Variants in ERBB4 observed in about 807,000 individuals in gnomAD.
The protein encoded by ERBB4 is erb-b2 receptor tyrosine kinase 4.
A neutral mutation model predicts 158.0 loss-of-function variants in ERBB4; 42 were observed. The observed-to-expected ratio is 0.27, with a 90% CI of 0.21 to 0.34. The LOEUF (loss-of-function observed/expected upper bound fraction) is 0.34, where lower values mean the gene tolerates loss of function less well. Among genes scored for constraint, ERBB4 ranks in the 10% least tolerant of loss-of-function variants. The pLI is 1.00. For missense variants in ERBB4, 1,333 were observed against 1,624.1 expected (o/e 0.82, Z 3.08); for synonymous variants, 583 against 558.7 (o/e 1.04, Z -0.61).
At chr2:212,340,133 T>C (rs1340561256) in intron 1 of ERBB4, among the ~76,000 whole-genome samples, 1 of 151,754 alleles carries the variant, frequency 6.6e-6, no homozygotes, top group Non-Finnish European at 1.5e-5. Flanking sequence ...CCTCACAGGC[T>C]CAAGTGATCC....
At chr2:211,524,890 G>A (rs1458711434) in intron 20 of ERBB4, among the ~76,000 whole-genome samples, 1 of 152,190 alleles carries the variant, frequency 6.6e-6, no homozygotes, top group East Asian at 1.9e-4. Context: ...CAGAGGAGGC[G>A]CTGAGAGCGA....
At chr2:212,252,709 G>A (rs1422975829) in intron 1 of ERBB4, among the ~76,000 whole-genome samples, 1 of 152,028 alleles carries the variant, frequency 6.6e-6, no homozygotes, top group African/African-American at 2.4e-5. Context: ...GATGATCATA[G>A]AGGAAAGAAT....
intron 4 of ERBB4, 22 bp downstream of exon 4, chr2:211,788,003 T>C (rs774849271): frequency 6.2e-7 from 1 of 1,611,436 alleles, no homozygotes; most frequent in South Asian, 1.1e-5. Context: ...TTTGAGAAAT[T>C]AAAAAGAATA....
chr2:211,878,194 C>A (rs1176886308), intron 3 of ERBB4, among the ~76,000 whole-genome samples: 2 of 152,178 alleles, frequency 1.3e-5, no homozygotes, highest in East Asian at 3.9e-4. Context: ...AATCTTCCAT[C>A]GAAATTTATC....
chr2:211,492,052 C>T (rs183048984), intron 20 of ERBB4, among the ~76,000 whole-genome samples: 221 of 147,956 alleles, frequency 1.5e-3, no homozygotes, highest in African/African-American at 5.1e-3. Flanking sequence ...ACAGCAAAGA[C>T]GTGCAAACTC....
intron 19 of ERBB4, among the ~76,000 whole-genome samples, chr2:211,597,879 C>T (rs1193015597): frequency 2.0e-5 from 3 of 151,718 alleles, no homozygotes; most frequent in African/African-American, 7.3e-5. Context: ...TAAAATTTCC[C>T]CAAAAAGAAA....
rs116702274 is a variant in ERBB4 at position 211,740,258 on chromosome 2, G to T, written c.622+10381C>A. On this transcript the variant is annotated intron_variant, in intron 5 of 27. Coordinates refer to ENST00000342788, the MANE Select transcript of ERBB4 (RefSeq NM_005235.3). ...GACCAAAAATAACTGTCTTCAGTGA[G>T]ATAGTAATATATACAAATTATTTTT... is the stretch of plus-strand genomic sequence containing the variant. Among the ~76,000 whole-genome samples the T allele has an allele frequency of 5.4e-3, 827 of 152,212 alleles. 8 individuals are homozygous for T. The highest frequency in any genetic ancestry group is 0.019 in the African/African-American group (796 of 41,514).
At chr2:212,420,706 A>G (rs112816874) in intron 1 of ERBB4, among the ~76,000 whole-genome samples, 2,468 of 152,254 alleles carry the variant, frequency 0.016, 26 homozygotes, top group Middle Eastern at 0.024. Context: ...CCTTCCTAAT[A>G]AACCATCCTC....
intron 20 of ERBB4, among the ~76,000 whole-genome samples, chr2:211,487,848 G>C (rs754243190): frequency 2.0e-5 from 3 of 152,084 alleles, no homozygotes; most frequent in Non-Finnish European, 4.4e-5. Flanking sequence ...AGAGTAATTA[G>C]CTGGTGTAAT....
At chr2:211,927,337 G>C (rs1259811011) in intron 3 of ERBB4, among the ~76,000 whole-genome samples, 2 of 152,112 alleles carry the variant, frequency 1.3e-5, no homozygotes, top group Non-Finnish European at 2.9e-5. Flanking sequence ...ACTGGTTAAT[G>C]TGAAAACTTT....
intron 1 of ERBB4, among the ~76,000 whole-genome samples, chr2:212,501,984 G>A (rs931013331): frequency 6.6e-6 from 1 of 151,860 alleles, no homozygotes; most frequent in Non-Finnish European, 1.5e-5. Flanking sequence ...TTTATACTTA[G>A]TTTTAATGTC....
chr2:211,468,697 T>A (rs1234097103), intron 20 of ERBB4, among the ~76,000 whole-genome samples: 6 of 152,038 alleles, frequency 3.9e-5, no homozygotes, highest in Admixed American at 3.3e-4. Flanking sequence ...AGAGGACAGA[T>A]GTATAAACAG....
chr2:211,425,621 A>AAT (rs907281878), intron 22 of ERBB4, among the ~76,000 whole-genome samples: 42 of 151,482 alleles, frequency 2.8e-4, no homozygotes, highest in South Asian at 1.2e-3. Context: ...ATACTTACAG[A>AAT]ATATATATAT....
intron 1 of ERBB4, among the ~76,000 whole-genome samples, chr2:212,135,710 G>T (rs903212323): frequency 6.6e-6 from 1 of 152,128 alleles, no homozygotes; most frequent in Non-Finnish European, 1.5e-5. Context: ...TTCTCTGCCT[G>T]CCCTCTTTAT....
chr2:212,063,419 T>A lies in ERBB4; in HGVS notation c.234+61333A>T, dbSNP rs143878745. 7.0e-3 allele frequency among the ~76,000 whole-genome samples: 1,063 copies of A among 152,240 alleles called. 5 individuals are homozygous for A. Among genetic ancestry groups the A allele is most frequent in the Middle Eastern group, 0.014 (4 of 294 alleles). On this transcript the variant is annotated intron_variant, in intron 2 of 27. Transcript: ENST00000342788. ...GGACATACAGATATTTAATAAATAA[T>A]CTGATGATGACTGGCTAGTCATTTA...
chr2:211,901,065 G>T (rs1443088756), intron 3 of ERBB4, among the ~76,000 whole-genome samples: 1 of 152,022 alleles, frequency 6.6e-6, no homozygotes, highest in Non-Finnish European at 1.5e-5. Context: ...TATTTTGAAA[G>T]AAATTTGTAT....
At chr2:212,227,263 A>C (rs2083504560) in intron 1 of ERBB4, among the ~76,000 whole-genome samples, 1 of 148,964 alleles carries the variant, frequency 6.7e-6, no homozygotes, top group Admixed American at 6.7e-5. Context: ...AAAAAAAATC[A>C]TATAGTAAAA....
intron 4 of ERBB4, among the ~76,000 whole-genome samples, chr2:211,770,466 A>C (rs931582759): frequency 8.5e-5 from 13 of 152,304 alleles, no homozygotes; most frequent in Admixed American, 4.6e-4. Context: ...GTCTTTCTCC[A>C]TCTATTATGT....
At chr2:212,107,690 G>A (rs1350652504) in intron 2 of ERBB4, among the ~76,000 whole-genome samples, 1 of 152,142 alleles carries the variant, frequency 6.6e-6, no homozygotes, top group African/African-American at 2.4e-5. Flanking sequence ...ATCTCATCTT[G>A]AATTGTAGCT....
Sources: gnomAD v4.1 joint callset for allele counts (sites outside exome capture counted in the v4.1 genomes callset) on GRCh38, gnomAD v4.1.1 for gene constraint, MANE v1.5 for transcripts, NCBI Gene and HGNC (gene_info 2026-07-23, HGNC 2026-07-21) for gene names.